MGAT4C: variants seen among roughly 807,000 people sequenced by gnomAD.
MGAT4C encodes the protein MGAT4 family member C.
In MGAT4C, 19 loss-of-function variants were observed where a neutral mutation model predicts 40.1. The ratio of observed to expected loss-of-function variants is 0.47; its 90% CI spans 0.33 to 0.70. The LOEUF (loss-of-function observed/expected upper bound fraction) is 0.70, where lower values mean the gene tolerates loss of function less well. Among genes scored for constraint, MGAT4C ranks in the 30% least tolerant of loss-of-function variants. MGAT4C has a pLI of 0.02. For missense variants in MGAT4C, 491 were observed against 563.2 expected (o/e 0.87, Z 1.30); for synonymous variants, 181 against 187.1 (o/e 0.97, Z 0.27).
intron 1 of MGAT4C, among the ~76,000 whole-genome samples, chr12:86,222,746 G>T (rs188289941): frequency 6.6e-6 from 1 of 152,100 alleles, no homozygotes; most frequent in Admixed American, 6.6e-5. Flanking sequence ...ATCACAGAGA[G>T]ATTTTACTTT....
At chr12:86,705,574 T>C (rs1434296785) in intron 2 of MGAT4C, among the ~76,000 whole-genome samples, 1 of 152,134 alleles carries the variant, frequency 6.6e-6, no homozygotes, top group African/African-American at 2.4e-5. Flanking sequence ...AAAATTTTTA[T>C]AATTAATGTA....
intron 2 of MGAT4C, among the ~76,000 whole-genome samples, chr12:85,992,908 G>A (rs1053022822): frequency 6.6e-6 from 1 of 152,174 alleles, no homozygotes; most frequent in Non-Finnish European, 1.5e-5. Context: ...GACGGTCCCA[G>A]GGAAATAGGG....
At chr12:86,591,905 T>C (rs1419210331) in intron 2 of MGAT4C, among the ~76,000 whole-genome samples, 1 of 152,042 alleles carries the variant, frequency 6.6e-6, no homozygotes, top group African/African-American at 2.4e-5. Context: ...AGATGTTTAC[T>C]GATCTATTGT....
At chr12:86,189,745 T>G in intron 1 of MGAT4C, among the ~76,000 whole-genome samples, 1 of 152,086 alleles carries the variant, frequency 6.6e-6, no homozygotes, top group South Asian at 2.1e-4. Context: ...AAACAAAAAC[T>G]AAAAACCAAA....
chr12:86,636,295 C>T (rs554716370), intron 2 of MGAT4C, among the ~76,000 whole-genome samples: 1 of 152,182 alleles, frequency 6.6e-6, no homozygotes, highest in Admixed American at 6.6e-5. Flanking sequence ...CTTATTAACT[C>T]ATTAGCTTTT....
chr12:86,597,552 G>A (rs1961590488), intron 2 of MGAT4C, among the ~76,000 whole-genome samples: 1 of 152,128 alleles, frequency 6.6e-6, no homozygotes, highest in African/African-American at 2.4e-5. Flanking sequence ...TTTAACTTTT[G>A]TATAGATAAT....
At chr12:86,146,135 T>G (rs1883479052) in intron 1 of MGAT4C, among the ~76,000 whole-genome samples, 1 of 152,058 alleles carries the variant, frequency 6.6e-6, no homozygotes, top group Admixed American at 6.6e-5. Flanking sequence ...AAATAAACAT[T>G]TTCTTACTTT....
Position 85,997,504 on chromosome 12 carries a change from C to A in MGAT4C, c.-6-7952G>T, listed in dbSNP as rs576088954. On this transcript the variant is annotated intron_variant, in intron 2 of 4. Coordinates refer to ENST00000611864, the MANE Select transcript of MGAT4C (RefSeq NM_001351288.2). ...CCGAGACAAGGCAAGTACCTTCAGC[C>A]TATGAGACTGTAAAATCAAAGCAAG... 7.2e-5 allele frequency among the ~76,000 whole-genome samples: 11 copies of A among 152,254 alleles called. No homozygotes were observed. The South Asian group carries it at 1.9e-3, about 26-fold the overall frequency.
intron 1 of MGAT4C, among the ~76,000 whole-genome samples, chr12:86,203,931 T>C (rs1019069725): frequency 2.9e-5 from 4 of 137,698 alleles, no homozygotes; most frequent in Admixed American, 2.3e-4. Flanking sequence ...CACTCCAGCC[T>C]GGGCAACGAG....
chr12:86,780,134 GTTGT>G, intron 1 of MGAT4C, among the ~76,000 whole-genome samples: 1 of 151,696 alleles, frequency 6.6e-6, no homozygotes, highest in Non-Finnish European at 1.5e-5. Context: ...TTAAATTTTT[GTTGT>G]TTAAGACTTT....
intron 2 of MGAT4C, among the ~76,000 whole-genome samples, chr12:86,469,262 A>G (rs1957724785): frequency 6.6e-6 from 1 of 152,112 alleles, no homozygotes; most frequent in African/African-American, 2.4e-5. Context: ...CCTGTTGTGT[A>G]AGGCTTCTTG....
intron 2 of MGAT4C, among the ~76,000 whole-genome samples, chr12:86,625,430 A>T (rs1962773543): frequency 6.6e-6 from 1 of 152,204 alleles, no homozygotes; most frequent in African/African-American, 2.4e-5. Flanking sequence ...GTTATTAAAA[A>T]CAATAAAGTA....
At chr12:86,780,633 G>A (rs919263285) in intron 1 of MGAT4C, among the ~76,000 whole-genome samples, 2 of 152,110 alleles carry the variant, frequency 1.3e-5, no homozygotes, top group Non-Finnish European at 2.9e-5. Context: ...CATGCTTCGT[G>A]TACAGCCTAC....
At chr12:86,212,920 A>AC (rs1950538448) in intron 1 of MGAT4C, among the ~76,000 whole-genome samples, 2 of 146,616 alleles carry the variant, frequency 1.4e-5, no homozygotes, top group Non-Finnish European at 3.0e-5. Flanking sequence ...AAAAAAAAAA[A>AC]AGAACACTCA....
At chr12:86,331,014 GTCT>G (rs1178150181) in intron 4 of MGAT4C, among the ~76,000 whole-genome samples, 1 of 152,114 alleles carries the variant, frequency 6.6e-6, no homozygotes, top group African/African-American at 2.4e-5. Context: ...CTCAACTCTG[GTCT>G]TCTTAGAAGA....
chr12:86,242,132 T>C (rs1951816490), intron 1 of MGAT4C, among the ~76,000 whole-genome samples: 1 of 152,176 alleles, frequency 6.6e-6, no homozygotes, highest in Non-Finnish European at 1.5e-5. Context: ...TTAAGGGCTT[T>C]GGAGTGAGAT....
At chr12:86,190,758 A>G (rs75837937) in intron 1 of MGAT4C, among the ~76,000 whole-genome samples, 2,262 of 152,198 alleles carry the variant, frequency 0.015, 30 homozygotes, top group African/African-American at 0.035. Flanking sequence ...AGATGTGAAG[A>G]TATTTTGTAG....
intron 2 of MGAT4C, among the ~76,000 whole-genome samples, chr12:86,707,881 C>A (rs1418328493): frequency 2.6e-5 from 4 of 152,078 alleles, no homozygotes; most frequent in Admixed American, 2.6e-4. Flanking sequence ...GACTTGGGTG[C>A]TGATAAATGC....
chr12:86,430,554 G>A (rs767297673), intron 3 of MGAT4C, among the ~76,000 whole-genome samples: 12 of 152,190 alleles, frequency 7.9e-5, no homozygotes, highest in Non-Finnish European at 1.5e-4. Context: ...CTGATGGCCT[G>A]TGGGAACACT....
Sources: allele counts gnomAD v4.1 joint callset (sites outside exome capture counted in the v4.1 genomes callset), GRCh38; gene constraint gnomAD v4.1.1; transcripts MANE v1.5; gene names NCBI Gene and HGNC (gene_info 2026-07-23, HGNC 2026-07-21).